FYCO1: variants seen among roughly 807,000 people sequenced by gnomAD.
The protein encoded by FYCO1 is FYVE and coiled-coil domain autophagy adaptor 1.
A neutral mutation model predicts 165.1 loss-of-function variants in FYCO1; 122 were observed. That is an observed-to-expected ratio of 0.74 (90% CI 0.64 to 0.86). FYCO1 has a LOEUF of 0.86. Among genes scored for constraint, FYCO1 ranks in the 40% least tolerant of loss-of-function variants. FYCO1 has a pLI of 0.00. For synonymous variants in FYCO1, 648 were observed against 742.5 expected, an observed-to-expected ratio of 0.87 and a Z score of 2.07; for missense variants, 1,702 against 1,810.3, an observed-to-expected ratio of 0.94 and a Z score of 1.09.
intron 2 of FYCO1, among the ~76,000 whole-genome samples, chr3:45,983,422 G>T (rs1205576590): frequency 3.3e-5 from 5 of 152,220 alleles, no homozygotes; most frequent in African/African-American, 1.2e-4. Flanking sequence ...TGAGAAAGTG[G>T]CACCTTTCAA....
At chr3:45,950,225 C>T (rs1704920452) in intron 14 of FYCO1, among the ~76,000 whole-genome samples, 1 of 151,768 alleles carries the variant, frequency 6.6e-6, no homozygotes, top group Non-Finnish European at 1.5e-5. Context: ...TGAGTCCATA[C>T]TGCCTTGGTG....
At chr3:45,938,939 C>T (rs1375948268) in intron 14 of FYCO1, among the ~76,000 whole-genome samples, 1 of 152,236 alleles carries the variant, frequency 6.6e-6, no homozygotes. Flanking sequence ...GGACAGCAAC[C>T]AAAGCATGAC....
intron 14 of FYCO1, chr3:45,947,252 C>T (rs1447643070): frequency 6.2e-7 from 1 of 1,614,180 alleles, no homozygotes; most frequent in Admixed American, 1.7e-5. Flanking sequence ...GCAGCACACA[C>T]TGGGAATACT....
At chr3:45,947,351 T>C in intron 14 of FYCO1, 1 of 1,614,234 alleles carries the variant, frequency 6.2e-7, no homozygotes, top group Non-Finnish European at 8.5e-7. Context: ...TCTATGCCTT[T>C]GTCAGCCTGA....
At chr3:45,973,360 C>A (rs1559463599) in intron 5 of FYCO1, 129 bp from the exon 6 acceptor site, 1 of 855,000 alleles carries the variant, frequency 1.2e-6, no homozygotes, top group East Asian at 2.6e-5. Flanking sequence ...GGCACACAAA[C>A]CAATTTCATT....
chr3:45,992,488 T>TCC (rs2125883545), intron 1 of FYCO1, among the ~76,000 whole-genome samples: 1 of 152,326 alleles, frequency 6.6e-6, no homozygotes, highest in East Asian at 1.9e-4. Flanking sequence ...ACTAGTTACG[T>TCC]GAACTTTCCA....
At chr3:45,985,581 C>G (rs549019853) in intron 1 of FYCO1, among the ~76,000 whole-genome samples, 1 of 152,298 alleles carries the variant, frequency 6.6e-6, no homozygotes, top group East Asian at 1.9e-4. Flanking sequence ...GCAGGGTCCC[C>G]TTCGTCGTGA....
chr3:45,951,650 T>C (rs1209437684), intron 14 of FYCO1, among the ~76,000 whole-genome samples: 1 of 149,008 alleles, frequency 6.7e-6, no homozygotes, highest in Non-Finnish European at 1.5e-5. Flanking sequence ...AGGGTGGGCC[T>C]GAATGACTGA....
At chr3:45,921,967 GC>G in intron 17 of FYCO1, 127 bp from the exon 18 acceptor site, 1 of 716,888 alleles carries the variant, frequency 1.4e-6, no homozygotes, top group African/African-American at 1.8e-5. Flanking sequence ...GGAGCCCCAT[GC>G]CCCATTTCCT....
intron 11 of FYCO1, among the ~76,000 whole-genome samples, chr3:45,959,969 T>C (rs1705595175): frequency 6.6e-6 from 1 of 152,204 alleles, no homozygotes; most frequent in South Asian, 2.1e-4. Context: ...TATGTTTCTA[T>C]GGTTGATCCA....
chr3:45,955,322 T>G lies in FYCO1; in HGVS notation c.3871A>C (p.Ile1291Leu). 1 of 1,614,184 alleles carries G rather than the reference T, an allele frequency of 6.2e-7. No individual in the cohort carries two copies. Among genetic ancestry groups the G allele is most frequent in the Non-Finnish European group, 8.5e-7 (1 of 1,180,014 alleles). Reference protein sequence around the residue: ...DIITDEELCQIQESGSSLPET... With the variant: ...DIITDEELCQLQESGSSLPET... ...GGCAAAGAGGAGCCGGACTCCTGTA[T>G]CTGGCACAATTCCTCATCTGTGATG... The change falls in exon 14 of 18, where the codon ATA (isoleucine) becomes CTA (leucine). Residue 1291 changes from isoleucine to leucine, a missense_variant. Physicochemically the swap from Ile to Leu is conservative, Grantham distance 5. Coordinates refer to ENST00000296137, the MANE Select transcript of FYCO1 (RefSeq NM_024513.4).
intron 14 of FYCO1, chr3:45,941,203 G>A (rs1347885244): frequency 6.6e-6 from 1 of 152,136 alleles, no homozygotes; most frequent in Admixed American, 6.5e-5. Context: ...ACTTTTCTGT[G>A]GATCACAGCC....
At position 45,964,993 on chromosome 3, in the gene FYCO1, G is replaced by C. The variant is rs1420860516; in HGVS notation, c.3150+40C>G. 5 of 1,538,752 alleles carry C rather than the reference G, an allele frequency of 3.2e-6. No individual in the cohort carries two copies. Among genetic ancestry groups the C allele is most frequent in the Non-Finnish European group, 4.5e-6 (5 of 1,112,358 alleles). ...AAATGGTCCAGTCAAAACCACACCA[G>C]ATGCCCTCTCCCTGACAGGTCTACA... On this transcript the variant is annotated intron_variant, in intron 9 of 17. Coordinates refer to ENST00000296137, the MANE Select transcript of FYCO1 (RefSeq NM_024513.4). This position sits in a 1 kb window ranked among gnomAD's most constrained non-coding sequence, Gnocchi z 4.1.
At chr3:45,975,459 T>C in intron 4 of FYCO1, 114 bp from the exon 5 acceptor site, 1 of 742,844 alleles carries the variant, frequency 1.3e-6, no homozygotes, top group Non-Finnish European at 2.4e-6. Flanking sequence ...TGTCACCCAA[T>C]TTTACCCTAT....
At position 45,964,922 on chromosome 3, in the gene FYCO1, G is replaced by A. The variant is rs1281408349; in HGVS notation, c.3150+111C>T. The A allele has an allele frequency of 7.0e-6, 6 of 853,862 alleles. No homozygotes were observed. The highest frequency in any genetic ancestry group is 4.0e-5 in the Admixed American group (2 of 50,550). The allele number at this position is 853,862 out of a possible 1,614,324, so 52.9% of individuals were successfully genotyped here. Reference sequence around the variant, plus strand: ...TAGGGTGTCTACAAAGGTGAACTGAGGACGGCTTCAGCTTGGGAATCTGGA... The same window carrying A: ...TAGGGTGTCTACAAAGGTGAACTGAAGACGGCTTCAGCTTGGGAATCTGGA... On this transcript the variant is annotated intron_variant, in intron 9 of 17. Coordinates refer to ENST00000296137, the MANE Select transcript of FYCO1 (RefSeq NM_024513.4). This position sits in a 1 kb window ranked among gnomAD's most constrained non-coding sequence, Gnocchi z 4.1.
At chr3:45,981,509 C>A in intron 3 of FYCO1, 61 bp downstream of exon 3, 1 of 1,063,426 alleles carries the variant, frequency 9.4e-7, no homozygotes, top group South Asian at 1.3e-5. Flanking sequence ...GCTGATGAGT[C>A]ACCCAAGAGG....
intron 15 of FYCO1, among the ~76,000 whole-genome samples, chr3:45,936,080 C>A (rs1007436453): frequency 1.3e-5 from 2 of 152,126 alleles, no homozygotes; most frequent in African/African-American, 4.8e-5. Flanking sequence ...TTTTGCTTAT[C>A]TCTATTTTCC....
chr3:45,970,147 T>G (rs1158954960), intron 6 of FYCO1, among the ~76,000 whole-genome samples: 1 of 152,226 alleles, frequency 6.6e-6, no homozygotes, highest in Non-Finnish European at 1.5e-5. Context: ...CTGCCCGCTC[T>G]GTATGACACA....
intron 14 of FYCO1, among the ~76,000 whole-genome samples, chr3:45,952,371 G>A (rs887373785): frequency 2.6e-5 from 4 of 152,150 alleles, no homozygotes; most frequent in South Asian, 2.1e-4. Flanking sequence ...TCAGACTCTC[G>A]GTGTTTTTGG....
Sources: gnomAD v4.1 joint callset for allele counts (sites outside exome capture counted in the v4.1 genomes callset) on GRCh38, gnomAD v4.1.1 for gene constraint, Gnocchi (gnomAD v3.1) non-coding constraint, MANE v1.5 for transcripts, NCBI Gene and HGNC (gene_info 2026-07-23, HGNC 2026-07-21) for gene names.